PIAS1: variants seen among roughly 807,000 people sequenced by gnomAD.
The protein encoded by PIAS1 is E3 SUMO-protein ligase PIAS1.
PIAS1 carries 6 observed loss-of-function variants against 71.3 expected under a neutral mutation model. That is an observed-to-expected ratio of 0.08 (90% CI 0.05 to 0.17). The LOEUF (loss-of-function observed/expected upper bound fraction) is 0.17. Among genes scored for constraint, PIAS1 ranks in the 10% least tolerant of loss-of-function variants. The probability of loss-of-function intolerance (pLI) is 1.00; values close to 1 mark genes in which losing one functional copy is unlikely to be tolerated. For synonymous variants in PIAS1, 303 were observed against 292.9 expected (o/e 1.03, Z -0.35); for missense variants, 555 against 793.6 (o/e 0.70, Z 3.61).
intron 7 of PIAS1, among the ~76,000 whole-genome samples, chr15:68,158,421 C>T (rs949083313): frequency 6.6e-6 from 1 of 152,040 alleles, no homozygotes; most frequent in Non-Finnish European, 1.5e-5. Flanking sequence ...CACTTTTTTC[C>T]AGGAGACATC....
intron 5 of PIAS1, among the ~76,000 whole-genome samples, chr15:68,146,114 T>A (rs139292848): frequency 4.8e-4 from 73 of 152,304 alleles, no homozygotes; most frequent in Middle Eastern, 6.8e-3. Context: ...GAGTTGGGTA[T>A]GGTAGCTTTA....
At chr15:68,077,940 A>T (rs2092187393) in intron 1 of PIAS1, among the ~76,000 whole-genome samples, 1 of 152,172 alleles carries the variant, frequency 6.6e-6, no homozygotes, top group African/African-American at 2.4e-5. Flanking sequence ...CATTCTTGTC[A>T]CTTTTTGTTT....
Position 68,115,450 on chromosome 15 carries a change from G to A in PIAS1, c.470-26496G>A, listed in dbSNP as rs59860662. Among the ~76,000 whole-genome samples the A allele has an allele frequency of 4.4e-3, 676 of 152,104 alleles. 6 individuals are homozygous for A. The highest frequency in any genetic ancestry group is 0.014 in the African/African-American group (575 of 41,522). ...TGCTAAATTCGATTGTTCTAGAAGCGTTTTGTAGATTCTATTGAATTTTCT... is the reference window on the plus strand; with the variant it reads ...TGCTAAATTCGATTGTTCTAGAAGCATTTTGTAGATTCTATTGAATTTTCT... On this transcript the variant is annotated intron_variant, in intron 2 of 13. Coordinates refer to ENST00000249636, the MANE Select transcript of PIAS1 (RefSeq NM_016166.3).
At position 68,192,444 on chromosome 15, in the gene PIAS1, G is replaced by C. The variant is rs1012170107; in HGVS notation, c.*4609G>C. 1 of 152,160 alleles carries C rather than the reference G, an allele frequency of 6.6e-6. No homozygotes were observed. The allele number at this position is 152,160 out of a possible 1,614,324, so 9.4% of individuals were successfully genotyped here. On this transcript the variant is annotated 3_prime_UTR_variant, in exon 14 of 14. Transcript: ENST00000249636. ...CCCACAAAACATCTGCTCCTACACTGTGTGGACCTGGGCTTCCCAGCCAGA... is the reference window on the plus strand; with the variant it reads ...CCCACAAAACATCTGCTCCTACACTCTGTGGACCTGGGCTTCCCAGCCAGA...
chr15:68,187,299 AC>A lies in PIAS1; in HGVS notation c.1663-242del, dbSNP rs2093094159. Among the ~76,000 whole-genome samples, 1 of 152,190 alleles carries A rather than the reference AC, an allele frequency of 6.6e-6. No homozygotes were observed. The highest frequency in any genetic ancestry group is 2.4e-5 in the African/African-American group (1 of 41,438). ...GTAATTGCTTGCAATACAAACTAAA[AC>A]AAAAAACAATAAAATTTATATTTTG... On this transcript the variant is annotated intron_variant, in intron 13 of 13. Transcript: ENST00000249636. The surrounding 1 kb of genome is among the most constrained non-coding windows in gnomAD (Gnocchi z 5.3).
At chr15:68,123,210 G>A (rs11857473) in intron 2 of PIAS1, among the ~76,000 whole-genome samples, 3,144 of 151,932 alleles carry the variant, frequency 0.021, 114 homozygotes, top group African/African-American at 0.071. Flanking sequence ...GAGCCACCAT[G>A]CCTGGCACAT....
At chr15:68,142,872 G>A (rs1017262661) in intron 4 of PIAS1, among the ~76,000 whole-genome samples, 1 of 151,966 alleles carries the variant, frequency 6.6e-6, no homozygotes, top group Admixed American at 6.6e-5. Flanking sequence ...GTTTTGTTCT[G>A]TATTTTAAAT....
chr15:68,110,653 T>A (rs935764914), intron 2 of PIAS1, among the ~76,000 whole-genome samples: 1 of 151,934 alleles, frequency 6.6e-6, no homozygotes. Flanking sequence ...TCCCACCTAC[T>A]CAAGAGGCTG....
intron 1 of PIAS1, among the ~76,000 whole-genome samples, chr15:68,081,812 A>C (rs552015419): frequency 6.6e-6 from 1 of 152,206 alleles, no homozygotes; most frequent in East Asian, 1.9e-4. Context: ...ACACAAAGAC[A>C]TGGAAGGAAG....
intron 2 of PIAS1, among the ~76,000 whole-genome samples, chr15:68,096,437 A>ATT (rs569315460): frequency 0.012 from 1,735 of 142,924 alleles, 11 homozygotes; most frequent in East Asian, 0.033. Flanking sequence ...CAACTTTAGG[A>ATT]TTTTTTTTTT....
intron 7 of PIAS1, among the ~76,000 whole-genome samples, chr15:68,156,808 T>C (rs1327610198): frequency 6.6e-6 from 1 of 150,594 alleles, no homozygotes; most frequent in Non-Finnish European, 1.5e-5. Flanking sequence ...GATATGAAGA[T>C]AGATGATAGA....
At chr15:68,097,438 T>G (rs976971138) in intron 2 of PIAS1, among the ~76,000 whole-genome samples, 6 of 152,042 alleles carry the variant, frequency 3.9e-5, no homozygotes, top group Admixed American at 1.3e-4. Context: ...ATTAATTTAT[T>G]TATTTATTTT....
intron 1 of PIAS1, among the ~76,000 whole-genome samples, chr15:68,080,206 G>A (rs1332874837): frequency 6.6e-6 from 1 of 152,144 alleles, no homozygotes; most frequent in East Asian, 1.9e-4. Context: ...ATGAAATGTG[G>A]TAGTATATAA....
At chr15:68,177,278 C>CAAAAAAAAAAAAAAAAA (rs3083984) in intron 11 of PIAS1, among the ~76,000 whole-genome samples, 2 of 90,874 alleles carry the variant, frequency 2.2e-5, no homozygotes, top group East Asian at 4.2e-4. Flanking sequence ...GACTTTGTCT[C>CAAAAAAAAAAAAAAAAA]AAAAAAAAAA....
At chr15:68,130,509 C>A (rs1224738871) in intron 2 of PIAS1, among the ~76,000 whole-genome samples, 1 of 151,614 alleles carries the variant, frequency 6.6e-6, no homozygotes, top group Non-Finnish European at 1.5e-5. Context: ...CAAAGAACTA[C>A]TTTTTAAAAA....
At chr15:68,059,389 T>A (rs1409456639) in intron 1 of PIAS1, among the ~76,000 whole-genome samples, 1 of 152,066 alleles carries the variant, frequency 6.6e-6, no homozygotes, top group Non-Finnish European at 1.5e-5. Context: ...CTAAATATAT[T>A]GATATGACAG....
rs1022505560 is a variant in PIAS1 at position 68,185,947 on chromosome 15, C to G, written c.1663-1595C>G. ...CACCACTCTACTCCAACCTGGGTGG[C>G]AGAGCGAGACTCCATCTCAAAAACA... On this transcript the variant is annotated intron_variant, in intron 13 of 13. Transcript: ENST00000249636. This position sits in a 1 kb window ranked among gnomAD's most constrained non-coding sequence, Gnocchi z 4.4. Among the ~76,000 whole-genome samples, 5 of 149,494 alleles carry G rather than the reference C, an allele frequency of 3.3e-5. No homozygotes were observed. Among genetic ancestry groups the G allele is most frequent in the African/African-American group, 9.9e-5 (4 of 40,368 alleles).
At chr15:68,055,665 A>T (rs1040255575) in intron 1 of PIAS1, 8 of 387,352 alleles carry the variant, frequency 2.1e-5, no homozygotes, top group African/African-American at 1.7e-4. Context: ...TTATGTCTCG[A>T]CCCAGAGAAC....
intron 2 of PIAS1, among the ~76,000 whole-genome samples, chr15:68,111,704 C>T (rs2092524536): frequency 6.6e-6 from 1 of 151,980 alleles, no homozygotes; most frequent in African/African-American, 2.4e-5. Context: ...GGAATTTTCC[C>T]TAGCGTAAAA....
Sources: gnomAD v4.1 joint callset for allele counts (sites outside exome capture counted in the v4.1 genomes callset) on GRCh38, gnomAD v4.1.1 for gene constraint, Gnocchi (gnomAD v3.1) non-coding constraint, MANE v1.5 for transcripts, NCBI Gene and HGNC (gene_info 2026-07-23, HGNC 2026-07-21) for gene names.